The following SORL1 variants were observed in gnomAD, a reference collection of about 807,000 sequenced individuals.
The protein encoded by SORL1 is sortilin-related receptor.
SORL1 carries 127 observed loss-of-function variants against 273.7 expected under a neutral mutation model. That is an observed-to-expected ratio of 0.46 (90% CI 0.40 to 0.54). The LOEUF is 0.54. Ranked by LOEUF, SORL1 falls within the 20% of genes least tolerant of loss-of-function variation. The pLI is 0.00. For synonymous variants in SORL1, 1,031 were observed against 1,067.4 expected (o/e 0.97, Z 0.66); for missense variants, 2,494 against 2,846.1 (o/e 0.88, Z 2.81).
At chr11:121,469,639 A>T (rs1279330928) in intron 1 of SORL1, among the ~76,000 whole-genome samples, 1 of 152,230 alleles carries the variant, frequency 6.6e-6, no homozygotes, top group East Asian at 1.9e-4. Flanking sequence ...AACAAGGGCA[A>T]TGTTTCCATG....
At chr11:121,522,815 G>C in intron 10 of SORL1, 101 bp from the exon 11 acceptor site, 1 of 1,371,118 alleles carries the variant, frequency 7.3e-7, no homozygotes, top group Non-Finnish European at 1.0e-6. Flanking sequence ...TGGTTTGAAA[G>C]CATTCTTAGT....
chr11:121,595,821 G>C lies in SORL1; in HGVS notation c.4519+49G>C, dbSNP rs1322184700. On this transcript the variant is annotated intron_variant, in intron 32 of 47. Coordinates refer to ENST00000260197, the MANE Select transcript of SORL1 (RefSeq NM_003105.6). This position sits in a 1 kb window ranked among gnomAD's most constrained non-coding sequence, Gnocchi z 5.1. The stretch of plus-strand genomic sequence containing the variant: ...CCCCCTGGGCACGTTTCTGCAGAGA[G>C]CACAGTTCTGGTGCTTCTGCTTCAT... 6.3e-7 allele frequency: 1 copy of C among 1,584,778 alleles called. No individual in the cohort carries two copies.
At chr11:121,576,784 C>T (rs1862937300) in intron 24 of SORL1, 1 of 1,494,100 alleles carries the variant, frequency 6.7e-7, no homozygotes, top group Admixed American at 2.2e-5. Flanking sequence ...GTTATGTTTC[C>T]TCCGTTTTGG....
chr11:121,589,172 G>A (rs562726399), intron 28 of SORL1, 87 bp from the exon 29 acceptor site: 78 of 1,482,718 alleles, frequency 5.3e-5, no homozygotes. Flanking sequence ...ACTCACTGCT[G>A]TTCCCCCTTG....
intron 26 of SORL1, among the ~76,000 whole-genome samples, chr11:121,585,692 A>C (rs556169041): frequency 6.6e-5 from 10 of 152,212 alleles, no homozygotes; most frequent in Non-Finnish European, 1.3e-4. Context: ...TATATAAACA[A>C]ATTTAAGTAT....
intron 1 of SORL1, among the ~76,000 whole-genome samples, chr11:121,469,712 T>C (rs112249879): frequency 1.8e-4 from 27 of 152,256 alleles, no homozygotes; most frequent in African/African-American, 5.3e-4. Context: ...TAACCAGAGA[T>C]TGGTATCATA....
chr11:121,454,265 TCTGGGAA>T (rs2134759885), intron 1 of SORL1, among the ~76,000 whole-genome samples: 1 of 152,350 alleles, frequency 6.6e-6, no homozygotes, highest in South Asian at 2.1e-4. Context: ...GAATCAGCAT[TCTGGGAA>T]CTGGGAGTTG....
rs1454678485 is a variant in SORL1, at chr11:121,632,973, ACT to A, written c.*3413_*3414del. ...ATTGATTTTAGGAATTGACTCTAAAACTCTGTGCAGAATCTTGTGTTGGGATT... is the reference window on the plus strand; with the variant it reads ...ATTGATTTTAGGAATTGACTCTAAAACTGTGCAGAATCTTGTGTTGGGATT... On this transcript the variant is annotated 3_prime_UTR_variant, in exon 48 of 48. Coordinates refer to ENST00000260197, the MANE Select transcript of SORL1 (RefSeq NM_003105.6). The A allele has an allele frequency of 6.6e-6, 1 of 152,150 alleles. No homozygotes were observed. Among genetic ancestry groups the A allele is most frequent in the Non-Finnish European group, 1.5e-5 (1 of 68,018 alleles). The allele number at this position is 152,150 out of a possible 1,614,324, so 9.4% of individuals were successfully genotyped here.
chr11:121,552,085 C>A (rs746067872), intron 16 of SORL1, among the ~76,000 whole-genome samples: 2 of 151,514 alleles, frequency 1.3e-5, no homozygotes, highest in Admixed American at 1.3e-4. Flanking sequence ...GAACAGGGAA[C>A]GAAGTGGAGA....
intron 1 of SORL1, among the ~76,000 whole-genome samples, chr11:121,457,784 A>G (rs1395685881): frequency 6.6e-6 from 1 of 152,246 alleles, no homozygotes; most frequent in Non-Finnish European, 1.5e-5. Flanking sequence ...GCATCAGAAT[A>G]CAGTGATCAT....
At position 121,632,815 on chromosome 11, in the gene SORL1, C is replaced by A. The variant is rs969727030; in HGVS notation, c.*3252C>A. Reference sequence around the variant, plus strand: ...CCTTAGGGCAGAAACACCATCCTATCAGGTTTGGTCAGTCCCTTCTTCATG... The same window carrying A: ...CCTTAGGGCAGAAACACCATCCTATAAGGTTTGGTCAGTCCCTTCTTCATG... On this transcript the variant is annotated 3_prime_UTR_variant, in exon 48 of 48. Transcript: ENST00000260197. 2 of 152,090 alleles carry A rather than the reference C, an allele frequency of 1.3e-5. No homozygotes were observed. Among genetic ancestry groups the A allele is most frequent in the African/African-American group, 4.8e-5 (2 of 41,406 alleles). The allele number at this position is 152,090 out of a possible 1,614,324, so 9.4% of individuals were successfully genotyped here.
intron 32 of SORL1, among the ~76,000 whole-genome samples, chr11:121,601,868 G>T (rs1863398190): frequency 6.6e-6 from 1 of 152,066 alleles, no homozygotes; most frequent in Admixed American, 6.6e-5. Context: ...CTGTGATGGG[G>T]GTTTTGGTAT....
At chr11:121,588,935 C>T (rs1172013986) in intron 28 of SORL1, among the ~76,000 whole-genome samples, 1 of 152,228 alleles carries the variant, frequency 6.6e-6, no homozygotes, top group Non-Finnish European at 1.5e-5. Context: ...CAGATCACCT[C>T]ATTCTAACGT....
In SORL1 at chr11:121,577,376, T is replaced by G. The variant is rs753567134; in HGVS notation, c.3556T>G (p.Trp1186Gly). Reference sequence around the variant, plus strand: ...TGACGGGGACAACGACTGCAGGGACTGGTCTGATGAAGCCAACTGTACCGG... The same window carrying G: ...TGACGGGGACAACGACTGCAGGGACGGGTCTGATGAAGCCAACTGTACCGG... ...VCDGDNDCRD[W>G]SDEANCTAIY... Residue 1186 changes from tryptophan to glycine, a missense_variant, in exon 25 of 48, where the codon TGG becomes GGG. Transcript: ENST00000260197. 1 of 1,611,692 alleles carries G rather than the reference T, an allele frequency of 6.2e-7. No homozygotes were observed. Among genetic ancestry groups the G allele is most frequent in the East Asian group, 2.2e-5 (1 of 44,872 alleles).
At chr11:121,494,967 A>T (rs911274962) in intron 5 of SORL1, among the ~76,000 whole-genome samples, 1 of 152,232 alleles carries the variant, frequency 6.6e-6, no homozygotes, top group Non-Finnish European at 1.5e-5. Flanking sequence ...AGAGGATCTG[A>T]TAATGAAGAA....
intron 24 of SORL1, chr11:121,576,862 G>A (rs910544838): frequency 2.7e-5 from 41 of 1,535,324 alleles, no homozygotes; most frequent in Non-Finnish European, 3.2e-5. Flanking sequence ...CAGACCTCTC[G>A]GCACTCCTTT....
At chr11:121,469,638 A>G (rs1861140256) in intron 1 of SORL1, among the ~76,000 whole-genome samples, 1 of 152,236 alleles carries the variant, frequency 6.6e-6, no homozygotes. Flanking sequence ...GAACAAGGGC[A>G]ATGTTTCCAT....
chr11:121,588,933 C>T (rs766566406), intron 28 of SORL1, among the ~76,000 whole-genome samples: 2 of 152,184 alleles, frequency 1.3e-5, no homozygotes, highest in African/African-American at 2.4e-5. Context: ...CCCAGATCAC[C>T]TCATTCTAAC....
In SORL1 at chr11:121,590,228, G is replaced by A. The variant is rs1863189384; in HGVS notation, c.4213+54G>A. ...CCCATAACCAAGACACACCAGAATA[G>A]TTCCACCAGCTATGCAGGATGTGCC... On this transcript the variant is annotated intron_variant, in intron 30 of 47. Coordinates refer to ENST00000260197, the MANE Select transcript of SORL1 (RefSeq NM_003105.6). 3.4e-5 allele frequency: 53 copies of A among 1,562,840 alleles called. 2 individuals carry two copies. In the South Asian group the frequency reaches 6.1e-4, roughly 18 times the overall value.
Sources: gnomAD v4.1 joint callset for allele counts (sites outside exome capture counted in the v4.1 genomes callset) on GRCh38, gnomAD v4.1.1 for gene constraint, Gnocchi (gnomAD v3.1) non-coding constraint, MANE v1.5 for transcripts, NCBI Gene and HGNC (gene_info 2026-07-23, HGNC 2026-07-21) for gene names.